DOCK1: variants seen among roughly 807,000 people sequenced by gnomAD.
DOCK1 encodes the protein dedicator of cytokinesis protein 1.
Under a neutral mutation model 262.7 loss-of-function variants are expected in DOCK1, and 138 were observed. The observed-to-expected ratio is 0.53, with a 90% CI of 0.46 to 0.61. The LOEUF (loss-of-function observed/expected upper bound fraction) is 0.61, where lower values mean the gene tolerates loss of function less well. Among genes scored for constraint, DOCK1 ranks in the 20% least tolerant of loss-of-function variants. The pLI, the probability that DOCK1 is intolerant of heterozygous loss-of-function variation, is 0.00. For synonymous variants in DOCK1, 866 were observed against 867.4 expected, an observed-to-expected ratio of 1.00 and a Z score of 0.03; for missense variants, 1,908 against 2,370.7, an observed-to-expected ratio of 0.80 and a Z score of 4.05.
chr10:127,173,283 G>A (rs1325066956), intron 27 of DOCK1, among the ~76,000 whole-genome samples: 1 of 152,144 alleles, frequency 6.6e-6, no homozygotes, highest in African/African-American at 2.4e-5. Flanking sequence ...TACAGGTGAA[G>A]AAAGAAGGCA....
At chr10:127,050,135 G>A (rs1348907259) in intron 21 of DOCK1, among the ~76,000 whole-genome samples, 2 of 151,520 alleles carry the variant, frequency 1.3e-5, no homozygotes, top group Non-Finnish European at 2.9e-5. Flanking sequence ...CAGATCATGC[G>A]GCAGTAAACA....
intron 25 of DOCK1, among the ~76,000 whole-genome samples, chr10:127,121,682 T>C (rs1438689382): frequency 6.6e-6 from 1 of 152,180 alleles, no homozygotes; most frequent in African/African-American, 2.4e-5. Flanking sequence ...AAATTTATGT[T>C]TTTGCTTTTG....
intron 25 of DOCK1, among the ~76,000 whole-genome samples, chr10:127,113,761 G>A (rs554030394): frequency 6.6e-6 from 1 of 152,254 alleles, no homozygotes; most frequent in East Asian, 1.9e-4. Context: ...CCTGAATGAG[G>A]ACACCAGGCC....
chr10:127,114,031 A>G (rs2049024835), intron 25 of DOCK1, among the ~76,000 whole-genome samples: 1 of 152,188 alleles, frequency 6.6e-6, no homozygotes, highest in Non-Finnish European at 1.5e-5. Context: ...TATTTCTTCC[A>G]AGAGGCCTGT....
At chr10:127,370,709 C>T (rs1171734584) in intron 33 of DOCK1, among the ~76,000 whole-genome samples, 1 of 152,176 alleles carries the variant, frequency 6.6e-6, no homozygotes, top group South Asian at 2.1e-4. Context: ...ATTGAATTAA[C>T]AAGACGTCAA....
intron 23 of DOCK1, among the ~76,000 whole-genome samples, chr10:127,105,828 C>T (rs909633747): frequency 4.6e-5 from 7 of 152,184 alleles, no homozygotes; most frequent in East Asian, 3.9e-4. Context: ...GCTGTGAACA[C>T]GGCTCACTGC....
intron 27 of DOCK1, among the ~76,000 whole-genome samples, chr10:127,212,180 T>G (rs1328938893): frequency 1.3e-5 from 2 of 152,228 alleles, no homozygotes; most frequent in South Asian, 4.1e-4. Context: ...GTTCACTGAT[T>G]TCTCAGAGTT....
intron 1 of DOCK1, among the ~76,000 whole-genome samples, chr10:126,964,086 G>A (rs2037481761): frequency 6.6e-6 from 1 of 152,220 alleles, no homozygotes; most frequent in South Asian, 2.1e-4. Context: ...AGTGGGTAAT[G>A]TTGGGTACTG....
In DOCK1 at chr10:127,175,907, G is replaced by A. The variant is rs766189937; in HGVS notation, c.2847+48143G>A. On this transcript the variant is annotated intron_variant, in intron 27 of 51. Coordinates refer to ENST00000623213, the MANE Select transcript of DOCK1 (RefSeq NM_001290223.2). This position sits in a 1 kb window ranked among gnomAD's most constrained non-coding sequence, Gnocchi z 6.3. ...CTGTGGTCTTGTGCACCCGCCCCGCGCCACATGGCCGGGCCTCCTCCATGG... is the reference window on the plus strand; with the variant it reads ...CTGTGGTCTTGTGCACCCGCCCCGCACCACATGGCCGGGCCTCCTCCATGG... 3.7e-6 allele frequency: 6 copies of A among 1,614,166 alleles called. No homozygotes were observed. Among genetic ancestry groups the A allele is most frequent in the Non-Finnish European group, 5.1e-6 (6 of 1,180,040 alleles).
At chr10:127,212,500 G>A (rs755163918) in intron 27 of DOCK1, among the ~76,000 whole-genome samples, 26 of 152,154 alleles carry the variant, frequency 1.7e-4, no homozygotes, top group Admixed American at 3.3e-4. Flanking sequence ...GCGGGCAGGT[G>A]CGAACGGTGG....
intron 43 of DOCK1, among the ~76,000 whole-genome samples, chr10:127,412,193 A>G (rs898565686): frequency 6.6e-6 from 1 of 151,938 alleles, no homozygotes; most frequent in Non-Finnish European, 1.5e-5. Flanking sequence ...CGATCTCCTG[A>G]CCTCGTGATC....
At chr10:126,961,932 C>T (rs1028428814) in intron 1 of DOCK1, among the ~76,000 whole-genome samples, 1 of 152,214 alleles carries the variant, frequency 6.6e-6, no homozygotes, top group African/African-American at 2.4e-5. Flanking sequence ...TGGAGCCCAC[C>T]AGTAACTTGC....
intron 27 of DOCK1, among the ~76,000 whole-genome samples, chr10:127,216,245 C>T (rs2058203706): frequency 6.6e-6 from 1 of 151,614 alleles, no homozygotes; most frequent in South Asian, 2.1e-4. Flanking sequence ...TTTTAAGTAC[C>T]CAAGTTAGGA....
chr10:127,442,901 G>A (rs761794220), intron 49 of DOCK1, among the ~76,000 whole-genome samples: 17 of 152,202 alleles, frequency 1.1e-4, no homozygotes, highest in South Asian at 6.2e-4. Flanking sequence ...GGTCACCTGC[G>A]ATGTGCTGTC....
chr10:127,123,478 G>A (rs1428151896), intron 25 of DOCK1, among the ~76,000 whole-genome samples: 3 of 152,228 alleles, frequency 2.0e-5, no homozygotes, highest in Admixed American at 6.5e-5. Flanking sequence ...TGCTGAGGAA[G>A]CATTCCAGCC....
intron 40 of DOCK1, among the ~76,000 whole-genome samples, chr10:127,405,440 A>ACT (rs2067462924): frequency 2.7e-5 from 3 of 110,922 alleles, no homozygotes; most frequent in African/African-American, 1.0e-4. Flanking sequence ...ATTTCTTATG[A>ACT]CTTTTTTTTT....
intron 6 of DOCK1, among the ~76,000 whole-genome samples, chr10:126,992,113 G>T (rs1773396423): frequency 6.6e-6 from 1 of 152,164 alleles, no homozygotes; most frequent in Non-Finnish European, 1.5e-5. Flanking sequence ...TAGAAATGCT[G>T]TAGGAGAGAT....
chr10:127,287,135 C>T (rs1247764671), intron 29 of DOCK1, among the ~76,000 whole-genome samples: 1 of 151,788 alleles, frequency 6.6e-6, no homozygotes, highest in Admixed American at 6.6e-5. Context: ...TCTTGATCTC[C>T]TGACCTCGTG....
chr10:127,220,340 C>T (rs2058379052), intron 27 of DOCK1, among the ~76,000 whole-genome samples: 1 of 151,948 alleles, frequency 6.6e-6, no homozygotes, highest in African/African-American at 2.4e-5. Flanking sequence ...GAACAGAGAA[C>T]CAGGAGGCCC....
Sources: allele counts gnomAD v4.1 joint callset (sites outside exome capture counted in the v4.1 genomes callset), GRCh38; gene constraint gnomAD v4.1.1; non-coding constraint Gnocchi (gnomAD v3.1); transcripts MANE v1.5; gene names NCBI Gene and HGNC (gene_info 2026-07-23, HGNC 2026-07-21).